The following HIPK2 variants were observed in gnomAD, a reference collection of about 807,000 sequenced individuals.
The protein encoded by HIPK2 is homeodomain-interacting protein kinase 2.
In HIPK2, 27 loss-of-function variants were observed where a neutral mutation model predicts 113.7. That is an observed-to-expected ratio of 0.24 (90% CI 0.17 to 0.33). The LOEUF (loss-of-function observed/expected upper bound fraction) is 0.33, where lower values mean the gene tolerates loss of function less well. HIPK2 is among the 10% of genes least tolerant of loss of function. HIPK2 has a pLI of 1.00. For synonymous variants in HIPK2, 631 were observed against 642.2 expected (o/e 0.98, Z 0.26); for missense variants, 1,257 against 1,588.0 (o/e 0.79, Z 3.54).
At chr7:139,659,444 G>A (rs561694823) in intron 2 of HIPK2, among the ~76,000 whole-genome samples, 1 of 152,186 alleles carries the variant, frequency 6.6e-6, no homozygotes, top group Admixed American at 6.5e-5. Flanking sequence ...CTGAGCCGCG[G>A]GGTCAGATCT....
chr7:139,636,791 G>A (rs964032905), intron 2 of HIPK2, among the ~76,000 whole-genome samples: 8 of 152,040 alleles, frequency 5.3e-5, no homozygotes, highest in South Asian at 4.2e-4. Context: ...CATCTTACTC[G>A]CTCCATAGGT....
At position 139,637,391 on chromosome 7, in the gene HIPK2, C is replaced by T. The variant is rs573428650; in HGVS notation, c.1104-5666G>A. On this transcript the variant is annotated intron_variant, in intron 2 of 14. Transcript: ENST00000406875. ...TGCCAACCACTCTCCTAGCTTAATA[C>T]GTTGCAGGCCCGTTGGTTTCCTTTC... Among the ~76,000 whole-genome samples, 328 of 152,358 alleles carry T rather than the reference C, an allele frequency of 2.2e-3. 1 individual carries two copies. Among genetic ancestry groups the T allele is most frequent in the African/African-American group, 7.5e-3 (310 of 41,578 alleles).
At chr7:139,710,754 G>A (rs900206725) in intron 2 of HIPK2, among the ~76,000 whole-genome samples, 6 of 152,218 alleles carry the variant, frequency 3.9e-5, no homozygotes, top group Non-Finnish European at 7.3e-5. Context: ...CAACGTTGGA[G>A]GAGGGGCCTG....
rs1796804567 is a variant in HIPK2, at chr7:139,777,625, G to C, written c.-2C>G. ...CTTACCTTCGTACACGGGGGCCATCGGGGCCGGGGTGTCCGCGGTTCATGG... is the reference window on the plus strand; with the variant it reads ...CTTACCTTCGTACACGGGGGCCATCCGGGCCGGGGTGTCCGCGGTTCATGG... On this transcript the variant is annotated 5_prime_UTR_variant, in exon 1 of 15. Transcript: ENST00000406875. 1 of 1,083,852 alleles carries C rather than the reference G, an allele frequency of 9.2e-7. No individual in the cohort carries two copies. 67.1% of individuals were successfully genotyped at this position (1,083,852 alleles called of 1,614,324 possible). A position where few individuals can be genotyped will look rare whatever the true frequency, so the allele number is the denominator to read the frequency against.
chr7:139,595,857 T>C (rs1033279615), intron 12 of HIPK2, among the ~76,000 whole-genome samples: 17 of 152,236 alleles, frequency 1.1e-4, no homozygotes, highest in African/African-American at 4.1e-4. Flanking sequence ...AATTGTGAAT[T>C]AGGCTTCATA....
In HIPK2 at chr7:139,596,873, G is replaced by A. The variant is rs1486484812; in HGVS notation, c.2561C>T (p.Ser854Leu). The A allele has an allele frequency of 1.9e-6, 3 of 1,613,924 alleles. No homozygotes were observed. Among genetic ancestry groups the A allele is most frequent in the African/African-American group, 1.3e-5 (1 of 75,050 alleles). The change falls in exon 12 of 15, where the codon TCG (serine) becomes TTG (leucine). Residue 854 changes from serine (S) to leucine (L), a missense_variant. Physicochemically the swap from Ser to Leu is moderately radical, Grantham distance 145 (BLOSUM62 -2). Around this residue, in one of 5 missense-constraint regions of HIPK2, gnomAD observed 862 missense variants for 1,004.3 expected, o/e 0.86. Coordinates refer to ENST00000406875, the MANE Select transcript of HIPK2 (RefSeq NM_022740.5). ...MVHSSPACSTSVTCGWGDVAS... is the reference protein window; with the variant it reads ...MVHSSPACSTLVTCGWGDVAS... ...CACGTCGCCCCACCCACAGGTGACCGAGGTGCTGCAGGCCGGGCTACTGTG... is the reference window on the plus strand; with the variant it reads ...CACGTCGCCCCACCCACAGGTGACCAAGGTGCTGCAGGCCGGGCTACTGTG...
chr7:139,711,242 A>G (rs947742672), intron 2 of HIPK2, among the ~76,000 whole-genome samples: 6 of 152,118 alleles, frequency 3.9e-5, no homozygotes, highest in Non-Finnish European at 8.8e-5. Flanking sequence ...CCTGGCTAAT[A>G]CAGTGAAACC....
rs1030761024 is a variant in HIPK2 at position 139,696,390 on chromosome 7, T to C, written c.1103+19542A>G. On this transcript the variant is annotated intron_variant, in intron 2 of 14. Transcript: ENST00000406875. ...GAGTTTGAGACAAGTCTGGGCATCA[T>C]AGTGAGACCCCCCGCCACCAATCCC... Among the ~76,000 whole-genome samples the C allele has an allele frequency of 2.0e-5, 3 of 151,894 alleles. 1 individual carries two copies. The highest frequency in any genetic ancestry group is 4.8e-5 in the African/African-American group (2 of 41,384).
intron 1 of HIPK2, among the ~76,000 whole-genome samples, chr7:139,743,577 C>T (rs1796142777): frequency 6.6e-6 from 1 of 152,178 alleles, no homozygotes; most frequent in African/African-American, 2.4e-5. Flanking sequence ...CAGTTACCCC[C>T]TAAGTCCTCC....
chr7:139,744,050 C>A lies in HIPK2; in HGVS notation c.20-27035G>T, dbSNP rs1043084389. Among the ~76,000 whole-genome samples, 36 of 152,092 alleles carry A rather than the reference C, an allele frequency of 2.4e-4. 1 individual carries two copies. Among genetic ancestry groups the A allele is most frequent in the Admixed American group, 5.2e-4 (8 of 15,276 alleles). ...ATCATTATTAATTATTAGGGAAATG[C>A]AAATCAAAAACACAATGGGATACCA... On this transcript the variant is annotated intron_variant, in intron 1 of 14. Coordinates refer to ENST00000406875, the MANE Select transcript of HIPK2 (RefSeq NM_022740.5).
chr7:139,634,537 G>A (rs1426330830), intron 2 of HIPK2, among the ~76,000 whole-genome samples: 1 of 151,916 alleles, frequency 6.6e-6, no homozygotes, highest in Admixed American at 6.6e-5. Context: ...CACATACCAG[G>A]GCCCCCAGGT....
intron 1 of HIPK2, among the ~76,000 whole-genome samples, chr7:139,732,170 A>G (rs998659692): frequency 2.0e-5 from 3 of 152,242 alleles, no homozygotes; most frequent in African/African-American, 7.2e-5. Context: ...ATGTGGTATT[A>G]TTTGCAATAT....
intron 1 of HIPK2, among the ~76,000 whole-genome samples, chr7:139,728,474 C>T (rs1795656344): frequency 6.6e-6 from 1 of 152,190 alleles, no homozygotes; most frequent in Admixed American, 6.5e-5. Flanking sequence ...TCACTGATGA[C>T]TGTCTTCTCT....
intron 2 of HIPK2, among the ~76,000 whole-genome samples, chr7:139,659,955 T>C (rs1801810360): frequency 1.3e-5 from 2 of 152,266 alleles, no homozygotes; most frequent in Admixed American, 1.3e-4. Context: ...ATGCAACACC[T>C]ATACTTCAGC....
At chr7:139,598,646 T>G (rs1451734718) in intron 11 of HIPK2, among the ~76,000 whole-genome samples, 1 of 152,148 alleles carries the variant, frequency 6.6e-6, no homozygotes, top group East Asian at 1.9e-4. Flanking sequence ...GATCTTGAAA[T>G]GTACTGGCAA....
intron 1 of HIPK2, among the ~76,000 whole-genome samples, chr7:139,728,742 A>G (rs943986392): frequency 5.9e-5 from 9 of 152,270 alleles, no homozygotes; most frequent in Non-Finnish European, 1.2e-4. Flanking sequence ...GCATTTTACT[A>G]AAGTATAATT....
chr7:139,601,166 C>T (rs751905333), intron 10 of HIPK2, among the ~76,000 whole-genome samples: 1 of 151,770 alleles, frequency 6.6e-6, no homozygotes, highest in Non-Finnish European at 1.5e-5. Flanking sequence ...ATCACTTAAG[C>T]CTGGGAGGCA....
At chr7:139,649,497 G>A (rs1416710693) in intron 2 of HIPK2, among the ~76,000 whole-genome samples, 1 of 152,186 alleles carries the variant, frequency 6.6e-6, no homozygotes, top group African/African-American at 2.4e-5. Context: ...TGGTTAAAAT[G>A]AATATTAAGG....
intron 1 of HIPK2, among the ~76,000 whole-genome samples, chr7:139,734,695 G>T (rs1166577502): frequency 6.6e-6 from 1 of 152,162 alleles, no homozygotes; most frequent in Non-Finnish European, 1.5e-5. Context: ...AGTCAGCAAT[G>T]GTTTTAAAAA....
Sources: gnomAD v4.1 joint callset for allele counts (sites outside exome capture counted in the v4.1 genomes callset) on GRCh38, gnomAD v4.1.1 for gene constraint, gnomAD v4.1.1 regional missense constraint, MANE v1.5 for transcripts, NCBI Gene and HGNC (gene_info 2026-07-23, HGNC 2026-07-21) for gene names.